Variants in FAF1 observed in about 807,000 individuals in gnomAD.
FAF1 encodes the protein Fas associated factor 1, also known as FAS-associated factor 1.
In FAF1, 25 loss-of-function variants were observed where a neutral mutation model predicts 92.5. The observed-to-expected ratio is 0.27, with a 90% confidence interval of 0.20 to 0.38. The LOEUF is 0.38. Ranked by LOEUF, FAF1 falls within the 10% of genes least tolerant of loss-of-function variation. FAF1 has a pLI of 1.00. For synonymous variants in FAF1, 234 were observed against 273.2 expected (o/e 0.86, Z 1.42); for missense variants, 636 against 793.3 (o/e 0.80, Z 2.38).
At chr1:50,508,994 G>C (rs1317297121) in intron 15 of FAF1, among the ~76,000 whole-genome samples, 1 of 152,190 alleles carries the variant, frequency 6.6e-6, no homozygotes, top group Non-Finnish European at 1.5e-5. Flanking sequence ...GTGAGCCACT[G>C]TGCCTGGCCC....
chr1:50,832,712 T>C (rs143917151), intron 2 of FAF1, among the ~76,000 whole-genome samples: 2 of 152,324 alleles, frequency 1.3e-5, no homozygotes, highest in African/African-American at 4.8e-5. Context: ...TCCCTGTCTT[T>C]ATGCTGTTTC....
chr1:50,505,785 C>A (rs1362413410), intron 15 of FAF1, among the ~76,000 whole-genome samples: 1 of 152,134 alleles, frequency 6.6e-6, no homozygotes, highest in Non-Finnish European at 1.5e-5. Context: ...TATAGAAAAA[C>A]TTTGCTGACC....
In FAF1 at chr1:50,475,359, G is replaced by A. The variant is rs1361717589; in HGVS notation, c.1869+105C>T. 4 of 812,660 alleles carry A rather than the reference G, an allele frequency of 4.9e-6. No individual in the cohort carries two copies. The African/African-American group carries it at 6.8e-5, about 14-fold the overall frequency. The allele number at this position is 812,660 out of a possible 1,614,324, so 50.3% of individuals were successfully genotyped here. On this transcript the variant is annotated intron_variant, in intron 18 of 18. Transcript: ENST00000396153. ...ACAAAGAAGGACTCCTGTTTGTCTT[G>A]TAGTTGCCTGCACCATGGGACTTTT...
At chr1:50,607,807 T>C (rs368519292) in intron 8 of FAF1, among the ~76,000 whole-genome samples, 1 of 152,252 alleles carries the variant, frequency 6.6e-6, no homozygotes, top group East Asian at 1.9e-4. Flanking sequence ...ACCTCATTTA[T>C]TCAGCTAGTT....
intron 8 of FAF1, among the ~76,000 whole-genome samples, chr1:50,630,826 A>ATTTTTTTT (rs1471050080): frequency 1.6e-5 from 2 of 125,332 alleles, no homozygotes; most frequent in African/African-American, 3.2e-5. Flanking sequence ...AGTGTATCAT[A>ATTTTTTTT]TCTTTTTTTT....
chr1:50,469,302 A>C (rs964039154), intron 18 of FAF1: 9 of 152,234 alleles, frequency 5.9e-5, no homozygotes, highest in African/African-American at 2.2e-4. Context: ...ATTTCATGTC[A>C]AGACCTCATG....
rs1230137503 is a variant in FAF1 at position 50,859,363 on chromosome 1, C to T, written c.46-1366G>A. Among the ~76,000 whole-genome samples, 3 of 151,620 alleles carry T rather than the reference C, an allele frequency of 2.0e-5. No individual in the cohort carries two copies. In the East Asian group the frequency reaches 5.8e-4, roughly 29 times the overall value. Reference sequence around the variant, plus strand: ...TAATATGATTCTGTATCTAGAAAACCCTAAAGACTGCAAAAAGGATCCTGG... The same window carrying T: ...TAATATGATTCTGTATCTAGAAAACTCTAAAGACTGCAAAAAGGATCCTGG... On this transcript the variant is annotated intron_variant, in intron 1 of 18. Coordinates refer to ENST00000396153, the MANE Select transcript of FAF1 (RefSeq NM_007051.3).
At chr1:50,551,383 T>G (rs1045866159) in intron 13 of FAF1, among the ~76,000 whole-genome samples, 4 of 152,108 alleles carry the variant, frequency 2.6e-5, no homozygotes, top group African/African-American at 9.7e-5. Context: ...AAGAAATGAA[T>G]AGATGGTAGA....
chr1:50,798,184 C>T (rs1027012460), intron 3 of FAF1, among the ~76,000 whole-genome samples: 6 of 151,998 alleles, frequency 3.9e-5, no homozygotes, highest in Non-Finnish European at 5.9e-5. Flanking sequence ...GCTATAATGG[C>T]TATTTTTTAA....
intron 4 of FAF1, among the ~76,000 whole-genome samples, chr1:50,769,089 AAC>A (rs1032525031): frequency 1.3e-5 from 2 of 152,058 alleles, no homozygotes; most frequent in Non-Finnish European, 2.9e-5. Context: ...GCTCCAAATA[AAC>A]ACAGTCAAAA....
rs538290900 is a variant in FAF1 at position 50,476,858 on chromosome 1, GA to G, written c.1654-1180del. ...AATAACAGTATAAAGAAATAATTTA[GA>G]AAAAAAAGAAATATATAACTAGTCA... is the stretch of plus-strand genomic sequence containing the variant. On this transcript the variant is annotated intron_variant, in intron 17 of 18. Transcript: ENST00000396153. Among the ~76,000 whole-genome samples, 128 of 151,510 alleles carry G rather than the reference GA, an allele frequency of 8.4e-4. 1 individual carries two copies. The highest frequency in any genetic ancestry group is 3.0e-3 in the African/African-American group (122 of 41,354).
chr1:50,873,952 G>A (rs1302569938), intron 1 of FAF1, among the ~76,000 whole-genome samples: 5 of 152,192 alleles, frequency 3.3e-5, no homozygotes, highest in African/African-American at 1.2e-4. Context: ...CATAAGACCA[G>A]TCTTCAGCCC....
intron 2 of FAF1, among the ~76,000 whole-genome samples, chr1:50,829,357 G>A (rs1644132816): frequency 1.3e-5 from 2 of 152,044 alleles, no homozygotes; most frequent in Non-Finnish European, 2.9e-5. Flanking sequence ...AAACAAAAAA[G>A]GCATTATCCT....
At chr1:50,830,304 T>G (rs1184559142) in intron 2 of FAF1, among the ~76,000 whole-genome samples, 1 of 152,162 alleles carries the variant, frequency 6.6e-6, no homozygotes, top group Non-Finnish European at 1.5e-5. Flanking sequence ...GAGATGGAGT[T>G]TCACCATGTT....
intron 15 of FAF1, among the ~76,000 whole-genome samples, chr1:50,533,218 C>T (rs763081998): frequency 1.2e-4 from 18 of 151,926 alleles, no homozygotes; most frequent in African/African-American, 2.7e-4. Context: ...ACTACAGGCA[C>T]GCAACACCAC....
chr1:50,911,679 A>G (rs1251167455), intron 1 of FAF1, among the ~76,000 whole-genome samples: 1 of 152,048 alleles, frequency 6.6e-6, no homozygotes, highest in Non-Finnish European at 1.5e-5. Context: ...CCTGGGCAAC[A>G]GAGTGAGACT....
At chr1:50,795,433 A>C (rs1314588247) in intron 3 of FAF1, among the ~76,000 whole-genome samples, 3 of 152,236 alleles carry the variant, frequency 2.0e-5, no homozygotes, top group Non-Finnish European at 4.4e-5. Context: ...ACAGCAAAAG[A>C]AGTGCAGCAC....
chr1:50,574,080 T>C (rs551312610), intron 12 of FAF1, among the ~76,000 whole-genome samples: 51 of 152,174 alleles, frequency 3.4e-4, no homozygotes, highest in African/African-American at 1.2e-3. Flanking sequence ...GAGCTGAAAT[T>C]GTGCCACTAC....
chr1:50,676,841 AT>A (rs1221575933), intron 7 of FAF1, among the ~76,000 whole-genome samples: 3 of 152,084 alleles, frequency 2.0e-5, no homozygotes, highest in Non-Finnish European at 4.4e-5. Context: ...ATGCATATAT[AT>A]TTTTTTCAAG....
Sources: gnomAD v4.1 joint callset for allele counts (sites outside exome capture counted in the v4.1 genomes callset) on GRCh38, gnomAD v4.1.1 for gene constraint, MANE v1.5 for transcripts, NCBI Gene and HGNC (gene_info 2026-07-23, HGNC 2026-07-21) for gene names.